IFT140: variants seen among roughly 807,000 people sequenced by gnomAD.
The protein encoded by IFT140 is intraflagellar transport protein 140 homolog.
Under a neutral mutation model 164.6 loss-of-function variants are expected in IFT140, and 133 were observed. The observed-to-expected ratio is 0.81, with a 90% CI of 0.70 to 0.93. The LOEUF (loss-of-function observed/expected upper bound fraction) is 0.93, where lower values mean the gene tolerates loss of function less well. Ranked by LOEUF, IFT140 falls within the 40% of genes least tolerant of loss-of-function variation. The pLI is 0.00. For missense variants in IFT140, 2,045 were observed against 1,972.3 expected (o/e 1.04, Z -0.70); for synonymous variants, 860 against 817.3 (o/e 1.05, Z -0.89).
intron 13 of IFT140, chr16:1,577,405 ATG>A (rs1473542055): frequency 4.6e-5 from 7 of 152,196 alleles, no homozygotes; most frequent in Admixed American, 3.3e-4. Context: ...CATATGAAAT[ATG>A]TGTTAATCGA....
At chr16:1,594,175 C>T (rs1020736681) in intron 4 of IFT140, among the ~76,000 whole-genome samples, 2 of 152,036 alleles carry the variant, frequency 1.3e-5, no homozygotes, top group African/African-American at 2.4e-5. Context: ...TGAGCACTTC[C>T]TTTCTGGTGC....
chr16:1,544,702 G>A (rs1887383990), intron 19 of IFT140, among the ~76,000 whole-genome samples: 1 of 151,684 alleles, frequency 6.6e-6, no homozygotes. Flanking sequence ...AGGCTGGAGT[G>A]CAGTGGCGCG....
chr16:1,594,226 GTTT>G (rs57833692), intron 4 of IFT140, among the ~76,000 whole-genome samples: 1 of 144,462 alleles, frequency 6.9e-6, no homozygotes, highest in African/African-American at 2.5e-5. Context: ...AAAGTTTTTT[GTTT>G]TTTTTTTTTG....
At chr16:1,602,331 T>G in intron 4 of IFT140, 39 bp downstream of exon 4, 1 of 1,566,726 alleles carries the variant, frequency 6.4e-7, no homozygotes, top group Non-Finnish European at 8.8e-7. Flanking sequence ...TCAGAAAGGG[T>G]CAAGGTCTGA....
chr16:1,581,766 G>A (rs1258117434), intron 12 of IFT140, among the ~76,000 whole-genome samples: 2 of 100,664 alleles, frequency 2.0e-5, no homozygotes, highest in African/African-American at 4.0e-5. Flanking sequence ...GGGGGGTGGG[G>A]AGGGGAGGGG....
At chr16:1,610,316 T>G (rs2036271642) in intron 2 of IFT140, 1 of 154,878 alleles carries the variant, frequency 6.5e-6, no homozygotes, top group African/African-American at 2.4e-5. Context: ...ACATAGCATG[T>G]TTTTGTTTTG....
chr16:1,542,320 T>C (rs188316364), intron 19 of IFT140, among the ~76,000 whole-genome samples: 13 of 152,368 alleles, frequency 8.5e-5, no homozygotes, highest in African/African-American at 2.6e-4. Context: ...CTGGCGTGTC[T>C]GTCACACCCT....
chr16:1,594,879 G>A (rs1339844830), intron 4 of IFT140, among the ~76,000 whole-genome samples: 1 of 152,250 alleles, frequency 6.6e-6, no homozygotes, highest in Non-Finnish European at 1.5e-5. Flanking sequence ...CCCACAGTAC[G>A]CTCTTCTTCC....
chr16:1,583,404 C>T lies in IFT140; in HGVS notation c.1360-18G>A, dbSNP rs755537628. The T allele has an allele frequency of 2.5e-6, 4 of 1,612,920 alleles. No individual in the cohort carries two copies. Among genetic ancestry groups the T allele is most frequent in the Non-Finnish European group, 3.4e-6 (4 of 1,178,966 alleles). ...ACAGCATCCTGAAAAGAACCACGGA[C>T]ATTCGAGGCAAAGGGCGGGAAAAGT... On this transcript the variant is annotated intron_variant, in intron 11 of 30. Coordinates refer to ENST00000426508, the MANE Select transcript of IFT140 (RefSeq NM_014714.4).
intron 19 of IFT140, among the ~76,000 whole-genome samples, chr16:1,529,872 T>C (rs2030259002): frequency 6.6e-6 from 1 of 152,144 alleles, no homozygotes; most frequent in Middle Eastern, 3.2e-3. Context: ...CAGCAAATGA[T>C]GCACGTGGAG....
At chr16:1,524,239 C>T (rs998499379) in intron 24 of IFT140, 35 of 603,004 alleles carry the variant, frequency 5.8e-5, no homozygotes, top group South Asian at 3.3e-4. Flanking sequence ...TGGTGCAGAA[C>T]GCCCAACAGC....
intron 19 of IFT140, among the ~76,000 whole-genome samples, chr16:1,536,096 C>A (rs1042017839): frequency 2.0e-5 from 3 of 152,216 alleles, no homozygotes; most frequent in African/African-American, 7.2e-5. Context: ...AGAGCACCCC[C>A]GGGGGAGGGA....
intron 19 of IFT140, chr16:1,528,825 G>C (rs1035708981): frequency 1.3e-5 from 2 of 152,338 alleles, no homozygotes; most frequent in Non-Finnish European, 2.9e-5. Flanking sequence ...GCTGCGTGCA[G>C]CTGGGCGTTT....
At chr16:1,514,294 A>T (rs1029566466) in intron 30 of IFT140, 1 of 151,946 alleles carries the variant, frequency 6.6e-6, no homozygotes, top group South Asian at 2.1e-4. Context: ...GGCATGAACC[A>T]GGGAGGCGGA....
At chr16:1,534,676 T>G in intron 19 of IFT140, 2 of 1,425,912 alleles carry the variant, frequency 1.4e-6, no homozygotes, top group Non-Finnish European at 1.9e-6. Flanking sequence ...GCCCTGAGCG[T>G]GGCCTCTGGG....
In IFT140 at chr16:1,520,797, G is replaced by C. The variant is rs773413119; in HGVS notation, c.3465C>G (p.Ala1155=). 6 of 1,603,560 alleles carry C rather than the reference G, an allele frequency of 3.7e-6. No individual in the cohort carries two copies. The change falls in exon 27 of 31, where the codon GCC becomes GCG. Residue 1155 remains alanine, a synonymous_variant. Transcript: ENST00000426508. The part of the protein sequence containing the change: ...LLLAARKYQE[A]LQLCLGQNMS... ...TGTTCTGCCCCAGGCACAGCTGCAG[G>C]GCTTCCTGATACTGCAAAGGTGCAG...
intron 20 of IFT140, 140 bp downstream of exon 20, chr16:1,526,479 G>C: frequency 1.0e-6 from 1 of 958,174 alleles, no homozygotes; most frequent in Non-Finnish European, 1.5e-6. Flanking sequence ...TGTCTGCCCA[G>C]CTCTCCTGGG....
At chr16:1,608,689 C>G (rs1035145368) in intron 2 of IFT140, among the ~76,000 whole-genome samples, 1 of 150,300 alleles carries the variant, frequency 6.7e-6, no homozygotes, top group Non-Finnish European at 1.5e-5. Context: ...AGATCAAAAC[C>G]TGGGCAATTT....
At chr16:1,593,212 T>A (rs1050118360) in intron 4 of IFT140, among the ~76,000 whole-genome samples, 6 of 152,250 alleles carry the variant, frequency 3.9e-5, no homozygotes, top group African/African-American at 1.2e-4. Context: ...TTCAAACAAT[T>A]CAAAAGTTTT....
Sources: allele counts gnomAD v4.1 joint callset (sites outside exome capture counted in the v4.1 genomes callset), GRCh38; gene constraint gnomAD v4.1.1; transcripts MANE v1.5; gene names NCBI Gene and HGNC (gene_info 2026-07-23, HGNC 2026-07-21).